Variants in RAPGEF2 observed in about 807,000 individuals in gnomAD.
RAPGEF2 encodes PDZ domain containing guanine nucleotide exchange factor (GEF) 1.
A neutral mutation model predicts 186.7 loss-of-function variants in RAPGEF2; 54 were observed. The ratio of observed to expected loss-of-function variants is 0.29; its 90% CI spans 0.23 to 0.36. RAPGEF2 has a LOEUF of 0.36. RAPGEF2 is among the 10% of genes least tolerant of loss of function. The pLI is 1.00. For missense variants in RAPGEF2, 1,532 were observed against 2,045.0 expected (o/e 0.75, Z 4.84); for synonymous variants, 712 against 705.9 (o/e 1.01, Z -0.14).
intron 1 of RAPGEF2, among the ~76,000 whole-genome samples, chr4:159,157,660 C>G (rs1038897792): frequency 6.6e-5 from 10 of 152,172 alleles, no homozygotes; most frequent in Non-Finnish European, 1.3e-4. Context: ...AATTCTTCAC[C>G]AAGTCCGTTC....
In RAPGEF2 at chr4:159,346,845, C is replaced by G; in HGVS notation, c.3559C>G (p.Pro1187Ala). Residue 1187 changes from proline (P) to alanine (A), a missense_variant, in exon 25 of 30, where the codon CCA (proline) becomes GCA (alanine). By Grantham distance (27) the Pro-to-Ala change is conservative (BLOSUM62 -1). Around this residue, in one of 4 missense-constraint regions of RAPGEF2, gnomAD observed 594 missense variants for 608.5 expected, o/e 0.98. Transcript: ENST00000691494. ...CAAATCCGAGACCTCTCCAGTAGCT[C>G]CAAGGGCAGGGTCACAACAGAAAGC... ...PVKSETSPVA[P>A]RAGSQQKAQS... 5.0e-6 allele frequency: 8 copies of G among 1,614,198 alleles called. No individual in the cohort carries two copies. The highest frequency in any genetic ancestry group is 6.8e-6 in the Non-Finnish European group (8 of 1,180,034).
intron 4 of RAPGEF2, among the ~76,000 whole-genome samples, chr4:159,222,877 A>G (rs890544556): frequency 4.3e-4 from 66 of 151,910 alleles, no homozygotes; most frequent in African/African-American, 1.1e-3. Flanking sequence ...AAAATGTCCA[A>G]TTAATCATAG....
In RAPGEF2 at chr4:159,353,687, A is replaced by G; in HGVS notation, c.4292A>G (p.Glu1431Gly). ...ACGATCCAGCACCAGAGAAGCTGGG[A>G]GACTCTTCCATTCGGGCATACTCAC... ...IQTIQHQRSW[E>G]TLPFGHTHFD... Residue 1431 changes from glutamate (E) to glycine (G), a missense_variant, in exon 28 of 30, where the codon GAG becomes GGG. By Grantham distance (98) the Glu-to-Gly change is moderately conservative (BLOSUM62 -2). Coordinates refer to ENST00000691494, the MANE Select transcript of RAPGEF2 (RefSeq NM_001394067.2). The surrounding 1 kb of genome is among the most constrained non-coding windows in gnomAD (Gnocchi z 4.3). The G allele has an allele frequency of 6.3e-7, 1 of 1,591,340 alleles. No homozygotes were observed. Among genetic ancestry groups the G allele is most frequent in the Non-Finnish European group, 8.6e-7 (1 of 1,169,480 alleles).
intron 1 of RAPGEF2, among the ~76,000 whole-genome samples, chr4:159,106,286 G>T (rs994336155): frequency 6.6e-6 from 1 of 152,116 alleles, no homozygotes; most frequent in Non-Finnish European, 1.5e-5. Flanking sequence ...TGTTCGTTTG[G>T]TTATTACTAC....
chr4:159,183,874 A>G (rs932156883), intron 1 of RAPGEF2, among the ~76,000 whole-genome samples: 1 of 152,042 alleles, frequency 6.6e-6, no homozygotes, highest in Non-Finnish European at 1.5e-5. Flanking sequence ...TATATCTCCT[A>G]ATGCTATCCC....
chr4:159,323,186 A>G (rs1232073132), intron 10 of RAPGEF2, among the ~76,000 whole-genome samples: 1 of 152,178 alleles, frequency 6.6e-6, no homozygotes, highest in Non-Finnish European at 1.5e-5. Flanking sequence ...GGGACAGAGA[A>G]ATTTTTTTCC....
At chr4:159,157,237 G>C (rs1028343959) in intron 1 of RAPGEF2, among the ~76,000 whole-genome samples, 2 of 152,118 alleles carry the variant, frequency 1.3e-5, no homozygotes, top group African/African-American at 4.8e-5. Context: ...CTGCAGCTTT[G>C]CCCCTTGAAA....
chr4:159,155,585 T>G (rs1357467881), intron 1 of RAPGEF2, among the ~76,000 whole-genome samples: 2 of 152,228 alleles, frequency 1.3e-5, no homozygotes, highest in Non-Finnish European at 2.9e-5. Flanking sequence ...GTTCCACACC[T>G]GAATTGACTC....
chr4:159,199,808 A>G (rs1337416864), intron 3 of RAPGEF2, among the ~76,000 whole-genome samples: 1 of 152,184 alleles, frequency 6.6e-6, no homozygotes, highest in Non-Finnish European at 1.5e-5. Context: ...CTGGGTGTGT[A>G]TAAGTTACCT....
At chr4:159,325,950 A>G (rs955331642) in intron 11 of RAPGEF2, among the ~76,000 whole-genome samples, 3 of 152,300 alleles carry the variant, frequency 2.0e-5, no homozygotes, top group African/African-American at 2.4e-5. Flanking sequence ...ATAGACTCCT[A>G]TATAGCTCCT....
At chr4:159,338,730 A>G (rs752869989) in intron 18 of RAPGEF2, among the ~76,000 whole-genome samples, 1 of 152,236 alleles carries the variant, frequency 6.6e-6, no homozygotes, top group Non-Finnish European at 1.5e-5. Context: ...AACACATCCC[A>G]TGCCATGATT....
At chr4:159,130,377 C>G (rs896566112) in intron 1 of RAPGEF2, among the ~76,000 whole-genome samples, 1 of 152,154 alleles carries the variant, frequency 6.6e-6, no homozygotes, top group Non-Finnish European at 1.5e-5. Flanking sequence ...GTTCAAATGC[C>G]TCTGACAACA....
At chr4:159,203,167 C>A in intron 3 of RAPGEF2, among the ~76,000 whole-genome samples, 1 of 152,114 alleles carries the variant, frequency 6.6e-6, no homozygotes, top group Middle Eastern at 3.2e-3. Context: ...GAGAGTGCCA[C>A]CTTGTGGATC....
At chr4:159,154,919 T>G (rs1396402526) in intron 1 of RAPGEF2, among the ~76,000 whole-genome samples, 1 of 152,210 alleles carries the variant, frequency 6.6e-6, no homozygotes, top group Non-Finnish European at 1.5e-5. Flanking sequence ...TATGATTGTT[T>G]GCTTAGAGAG....
chr4:159,141,498 T>C (rs1170650495), intron 1 of RAPGEF2, among the ~76,000 whole-genome samples: 1 of 152,128 alleles, frequency 6.6e-6, no homozygotes, highest in Non-Finnish European at 1.5e-5. Context: ...TCATTGTGTG[T>C]ATGTGTATGT....
intron 7 of RAPGEF2, among the ~76,000 whole-genome samples, chr4:159,296,995 C>T (rs1762101546): frequency 6.6e-6 from 1 of 152,150 alleles, no homozygotes; most frequent in South Asian, 2.1e-4. Flanking sequence ...TCATCGGGGT[C>T]CCAAGTGTAT....
chr4:159,185,281 T>TA (rs1489504620), intron 1 of RAPGEF2, among the ~76,000 whole-genome samples: 1 of 152,138 alleles, frequency 6.6e-6, no homozygotes, highest in Non-Finnish European at 1.5e-5. Flanking sequence ...GAGTCAAACA[T>TA]AGAGTTACCA....
At chr4:159,300,977 C>T (rs189082121) in intron 7 of RAPGEF2, among the ~76,000 whole-genome samples, 1 of 152,322 alleles carries the variant, frequency 6.6e-6, no homozygotes. Flanking sequence ...ATTAGAGTGT[C>T]ATGGCAGAGT....
At chr4:159,241,121 C>T (rs1270781334) in intron 5 of RAPGEF2, 80 bp from the exon 6 acceptor site, 4 of 1,147,790 alleles carry the variant, frequency 3.5e-6, no homozygotes, top group Non-Finnish European at 4.6e-6. Context: ...TATGGGTTAT[C>T]TGTAAGTTTC....
Sources: gnomAD v4.1 joint callset for allele counts (sites outside exome capture counted in the v4.1 genomes callset) on GRCh38, gnomAD v4.1.1 for gene constraint, gnomAD v4.1.1 regional missense constraint, Gnocchi (gnomAD v3.1) non-coding constraint, MANE v1.5 for transcripts, NCBI Gene and HGNC (gene_info 2026-07-23, HGNC 2026-07-21) for gene names.